CDC42BPA: variants seen among roughly 807,000 people sequenced by gnomAD.
CDC42BPA encodes CDC42 binding protein kinase alpha.
A neutral mutation model predicts 223.5 loss-of-function variants in CDC42BPA; 80 were observed. The ratio of observed to expected loss-of-function variants is 0.36; its 90% CI spans 0.30 to 0.43. The LOEUF (loss-of-function observed/expected upper bound fraction) is 0.43, where lower values mean the gene tolerates loss of function less well. Among genes scored for constraint, CDC42BPA ranks in the 20% least tolerant of loss-of-function variants. CDC42BPA has a pLI of 1.00. For missense variants in CDC42BPA, 1,743 were observed against 2,099.9 expected, an observed-to-expected ratio of 0.83 and a Z score of 3.32; for synonymous variants, 694 against 718.6, an observed-to-expected ratio of 0.97 and a Z score of 0.55.
chr1:227,041,918 A>G (rs1410901674), intron 23 of CDC42BPA, among the ~76,000 whole-genome samples: 1 of 152,186 alleles, frequency 6.6e-6, no homozygotes, highest in Non-Finnish European at 1.5e-5. Flanking sequence ...CATGCAAATA[A>G]CCACCTTGGA....
intron 21 of CDC42BPA, among the ~76,000 whole-genome samples, chr1:227,066,149 G>A (rs1208055961): frequency 6.6e-6 from 1 of 152,178 alleles, no homozygotes; most frequent in Non-Finnish European, 1.5e-5. Context: ...CCAGCACTTT[G>A]AGAGGTTGAG....
intron 10 of CDC42BPA, among the ~76,000 whole-genome samples, chr1:227,137,665 C>A (rs1658852035): frequency 1.7e-5 from 2 of 115,148 alleles, no homozygotes. Flanking sequence ...CAATGAAATA[C>A]TAAACAGCAG....
At chr1:227,010,105 T>TG (rs1664882418) in intron 34 of CDC42BPA, among the ~76,000 whole-genome samples, 1 of 152,186 alleles carries the variant, frequency 6.6e-6, no homozygotes, top group Admixed American at 6.5e-5. Flanking sequence ...CACCACTTGA[T>TG]GGACATATGA....
intron 16 of CDC42BPA, among the ~76,000 whole-genome samples, chr1:227,087,127 T>C (rs1207158216): frequency 1.3e-5 from 2 of 152,218 alleles, no homozygotes; most frequent in Admixed American, 6.5e-5. Context: ...TGCACTGTGC[T>C]TTTAATGTCA....
At chr1:227,010,758 A>C in intron 34 of CDC42BPA, 1 of 348,166 alleles carries the variant, frequency 2.9e-6, no homozygotes, top group Non-Finnish European at 4.7e-6. Context: ...CAGAAGAGAA[A>C]TAGGCCAAAG....
At chr1:227,065,216 A>T (rs1023979238) in intron 21 of CDC42BPA, among the ~76,000 whole-genome samples, 1 of 152,202 alleles carries the variant, frequency 6.6e-6, no homozygotes, top group African/African-American at 2.4e-5. Context: ...TGAGAACTTT[A>T]AAAAAGTCAC....
rs1049590506 is a variant in CDC42BPA, at chr1:227,189,812, T to C, written c.599+3974A>G. On this transcript the variant is annotated intron_variant, in intron 5 of 36. Coordinates refer to ENST00000366766, the MANE Select transcript of CDC42BPA (RefSeq NM_001394014.1). ...AAAAAGAACACAAGAAAAAGGAGAG[T>C]ATCTCCTTCCTTAAACACAACAGTC... is the stretch of plus-strand genomic sequence containing the variant. 6.6e-5 allele frequency among the ~76,000 whole-genome samples: 10 copies of C among 152,132 alleles called. No homozygotes were observed. In the East Asian group the frequency reaches 1.9e-3, roughly 29 times the overall value.
At chr1:227,213,844 A>T (rs1674374780) in intron 2 of CDC42BPA, among the ~76,000 whole-genome samples, 1 of 152,220 alleles carries the variant, frequency 6.6e-6, no homozygotes, top group Non-Finnish European at 1.5e-5. Context: ...CCAAAAAGAA[A>T]AAAAAAGGAA....
At chr1:227,012,898 G>T (rs1214863670) in intron 34 of CDC42BPA, among the ~76,000 whole-genome samples, 1 of 152,110 alleles carries the variant, frequency 6.6e-6, no homozygotes, top group Non-Finnish European at 1.5e-5. Context: ...CTGAGATAAA[G>T]ATGGTTCCGG....
At chr1:227,001,091 G>C (rs1007890743) in intron 35 of CDC42BPA, among the ~76,000 whole-genome samples, 15 of 152,188 alleles carry the variant, frequency 9.9e-5, no homozygotes, top group African/African-American at 3.6e-4. Flanking sequence ...AGGGAAGGAA[G>C]CATGGTGAGC....
At chr1:227,301,990 ATCTCC>A (rs1203961421) in intron 1 of CDC42BPA, among the ~76,000 whole-genome samples, 2 of 152,026 alleles carry the variant, frequency 1.3e-5, no homozygotes, top group Non-Finnish European at 2.9e-5. Flanking sequence ...AGATTTTCTA[ATCTCC>A]TCTCAAGATG....
At chr1:227,271,816 C>G (rs1211537078) in intron 1 of CDC42BPA, among the ~76,000 whole-genome samples, 3 of 152,180 alleles carry the variant, frequency 2.0e-5, no homozygotes, top group African/African-American at 4.8e-5. Context: ...CCTACTCAAT[C>G]TTCCCATAGC....
rs77696316 is a variant in CDC42BPA, at chr1:227,052,920, T to C, written c.2905-935A>G. Among the ~76,000 whole-genome samples, 928 of 152,316 alleles carry C rather than the reference T, an allele frequency of 6.1e-3. 28 individuals carry two copies. In the East Asian group the frequency reaches 0.063, roughly 10 times the overall value. ...TGAGACTGCTGGCAAAGTAGAACTA[T>C]TAAAACAATGAATTAAAATACAATG... On this transcript the variant is annotated intron_variant, in intron 21 of 36. Coordinates refer to ENST00000366766, the MANE Select transcript of CDC42BPA (RefSeq NM_001394014.1).
At chr1:227,132,303 G>A (rs1017807885) in intron 10 of CDC42BPA, among the ~76,000 whole-genome samples, 17 of 152,064 alleles carry the variant, frequency 1.1e-4, no homozygotes, top group South Asian at 2.1e-4. Flanking sequence ...ACTGGTTTTC[G>A]TATTTTTTTG....
intron 10 of CDC42BPA, among the ~76,000 whole-genome samples, chr1:227,129,892 A>G (rs484150): frequency 0.28 from 42,718 of 151,416 alleles, 6,227 homozygotes; most frequent in African/African-American, 0.34. Flanking sequence ...ACAAATGGAG[A>G]GTTAGGCATG....
intron 5 of CDC42BPA, among the ~76,000 whole-genome samples, chr1:227,164,454 G>T (rs551942860): frequency 6.6e-6 from 1 of 152,208 alleles, no homozygotes; most frequent in South Asian, 2.1e-4. Context: ...TTTCCACAGA[G>T]AACTTACATA....
At chr1:227,178,683 CG>C (rs1274731217) in intron 5 of CDC42BPA, among the ~76,000 whole-genome samples, 2 of 152,076 alleles carry the variant, frequency 1.3e-5, no homozygotes, top group Non-Finnish European at 2.9e-5. Context: ...TTAGTAGAGA[CG>C]GGGTTTCTCC....
intron 14 of CDC42BPA, among the ~76,000 whole-genome samples, chr1:227,111,313 G>C (rs1686871787): frequency 6.6e-6 from 1 of 152,128 alleles, no homozygotes; most frequent in East Asian, 1.9e-4. Flanking sequence ...CTATTACTTA[G>C]TATGGTAAAA....
intron 24 of CDC42BPA, 114 bp downstream of exon 24, chr1:227,040,017 C>CA (rs869046207): frequency 2.4e-5 from 17 of 716,854 alleles, no homozygotes; most frequent in Non-Finnish European, 3.9e-5. Flanking sequence ...TCCTGTTATG[C>CA]AAAAAAGCAA....
Sources: gnomAD v4.1 joint callset for allele counts (sites outside exome capture counted in the v4.1 genomes callset) on GRCh38, gnomAD v4.1.1 for gene constraint, MANE v1.5 for transcripts, NCBI Gene and HGNC (gene_info 2026-07-23, HGNC 2026-07-21) for gene names.